Variants in NCKAP5 observed in about 807,000 individuals in gnomAD.
NCKAP5 encodes NCK associated protein 5.
NCKAP5 carries 92 observed loss-of-function variants against 167.0 expected under a neutral mutation model. The observed-to-expected ratio is 0.55, with a 90% confidence interval of 0.47 to 0.66. The LOEUF (loss-of-function observed/expected upper bound fraction) is 0.66, where lower values mean the gene tolerates loss of function less well. Ranked by LOEUF, NCKAP5 falls within the 30% of genes least tolerant of loss-of-function variation. NCKAP5 has a pLI of 0.00. For synonymous variants in NCKAP5, 891 were observed against 877.4 expected (o/e 1.02, Z -0.27); for missense variants, 2,378 against 2,315.0 (o/e 1.03, Z -0.56).
intron 3 of NCKAP5, among the ~76,000 whole-genome samples, chr2:133,329,613 C>T (rs968006016): frequency 6.6e-5 from 10 of 152,128 alleles, no homozygotes; most frequent in Admixed American, 4.6e-4. Flanking sequence ...TATAAGCCCA[C>T]TGGAATTGTC....
At chr2:132,677,672 G>A (rs78180284) in intron 19 of NCKAP5, among the ~76,000 whole-genome samples, 7,533 of 152,038 alleles carry the variant, frequency 0.05, 590 homozygotes, top group African/African-American at 0.17. Context: ...ACCATGAGTT[G>A]CCCAGAGGGT....
intron 7 of NCKAP5, among the ~76,000 whole-genome samples, chr2:132,982,731 T>C (rs553582359): frequency 6.6e-6 from 1 of 152,324 alleles, no homozygotes; most frequent in Admixed American, 6.5e-5. Context: ...TAGCCATTGT[T>C]TAGCTCCTTC....
intron 3 of NCKAP5, among the ~76,000 whole-genome samples, chr2:133,329,384 GT>G (rs1315693809): frequency 6.6e-6 from 1 of 152,174 alleles, no homozygotes; most frequent in Non-Finnish European, 1.5e-5. Flanking sequence ...CAGGTTTCCA[GT>G]TGGCCTAGCA....
At chr2:133,127,059 A>T (rs1185239911) in intron 6 of NCKAP5, among the ~76,000 whole-genome samples, 1 of 152,182 alleles carries the variant, frequency 6.6e-6, no homozygotes, top group East Asian at 1.9e-4. Flanking sequence ...GCCCAAGAGA[A>T]AAAAAGAAAA....
In NCKAP5 at chr2:132,854,295, A is replaced by C. The variant is rs988782857; in HGVS notation, c.807+6197T>G. Reference sequence around the variant, plus strand: ...TCTGGGTCTTGTTCAAAGAAAAAAAACACACCCCTCAATTGCTTTGGGAAT... The same window carrying C: ...TCTGGGTCTTGTTCAAAGAAAAAAACCACACCCCTCAATTGCTTTGGGAAT... On this transcript the variant is annotated intron_variant, in intron 11 of 19. Coordinates refer to ENST00000409261, the MANE Select transcript of NCKAP5 (RefSeq NM_207363.3). Among the ~76,000 whole-genome samples the C allele has an allele frequency of 2.1e-4, 32 of 152,294 alleles. No individual in the cohort carries two copies. The South Asian group carries it at 3.1e-3, about 15-fold the overall frequency.
At chr2:132,753,486 G>C (rs992168407) in intron 16 of NCKAP5, among the ~76,000 whole-genome samples, 6 of 152,150 alleles carry the variant, frequency 3.9e-5, no homozygotes, top group African/African-American at 1.4e-4. Flanking sequence ...GGAGGCTCAG[G>C]GGGTGGAGAG....
At chr2:133,247,510 T>A (rs2088059599) in intron 4 of NCKAP5, among the ~76,000 whole-genome samples, 2 of 152,166 alleles carry the variant, frequency 1.3e-5, no homozygotes, top group Admixed American at 1.3e-4. Context: ...CCCCCACCAC[T>A]TTAAATTAAA....
chr2:133,227,049 A>T (rs2150231386), intron 4 of NCKAP5, among the ~76,000 whole-genome samples: 1 of 152,352 alleles, frequency 6.6e-6, no homozygotes, highest in East Asian at 1.9e-4. Flanking sequence ...CAGGAGAATC[A>T]AGGAAACCTT....
chr2:132,949,768 T>C (rs1470625864), intron 8 of NCKAP5, among the ~76,000 whole-genome samples: 5 of 152,210 alleles, frequency 3.3e-5, no homozygotes, highest in African/African-American at 9.6e-5. Context: ...TTGAAAACTG[T>C]CATTTTGTAA....
At chr2:133,151,849 T>C (rs1362016871) in intron 5 of NCKAP5, among the ~76,000 whole-genome samples, 3 of 152,220 alleles carry the variant, frequency 2.0e-5, no homozygotes, top group Admixed American at 2.0e-4. Context: ...CCCCTGTAAT[T>C]GTAGCTACTC....
At chr2:133,245,925 GGA>G (rs2087964852) in intron 4 of NCKAP5, among the ~76,000 whole-genome samples, 1 of 151,790 alleles carries the variant, frequency 6.6e-6, no homozygotes, top group African/African-American at 2.4e-5. Context: ...ATGGAGGTGG[GGA>G]GAGTCATAGC....
chr2:133,208,184 C>T (rs2086045888), intron 5 of NCKAP5, among the ~76,000 whole-genome samples: 1 of 151,930 alleles, frequency 6.6e-6, no homozygotes, highest in African/African-American at 2.4e-5. Context: ...ACAAAAATAA[C>T]AAAAATTATC....
chr2:132,893,458 A>T lies in NCKAP5; in HGVS notation c.580-14542T>A, dbSNP rs184550826. 7.9e-5 allele frequency among the ~76,000 whole-genome samples: 12 copies of T among 152,308 alleles called. No homozygotes were observed. The East Asian group carries it at 2.3e-3, about 29-fold the overall frequency. Reference sequence around the variant, plus strand: ...TTTATTAATCAATTTATATAATGGGATACTATATAGAAACAAAAGCCAGTG... The same window carrying T: ...TTTATTAATCAATTTATATAATGGGTTACTATATAGAAACAAAAGCCAGTG... On this transcript the variant is annotated intron_variant, in intron 8 of 19. Transcript: ENST00000409261.
intron 15 of NCKAP5, among the ~76,000 whole-genome samples, chr2:132,780,371 C>T (rs1682926774): frequency 6.6e-6 from 1 of 152,068 alleles, no homozygotes; most frequent in East Asian, 1.9e-4. Flanking sequence ...AGGATGGTCT[C>T]GATCTCCTGA....
At chr2:133,376,467 A>T (rs1190674786) in intron 3 of NCKAP5, among the ~76,000 whole-genome samples, 1 of 152,078 alleles carries the variant, frequency 6.6e-6, no homozygotes, top group East Asian at 1.9e-4. Context: ...TACTCTTGAA[A>T]TATTGCCCCT....
intron 6 of NCKAP5, among the ~76,000 whole-genome samples, chr2:133,045,663 G>T (rs2079375012): frequency 6.6e-6 from 1 of 152,044 alleles, no homozygotes; most frequent in Admixed American, 6.6e-5. Context: ...TTATTTTTGT[G>T]ATAAAGTTTA....
intron 2 of NCKAP5, among the ~76,000 whole-genome samples, chr2:133,519,545 C>A (rs1260317020): frequency 6.6e-6 from 1 of 152,144 alleles, no homozygotes; most frequent in African/African-American, 2.4e-5. Context: ...CAGTGATGAA[C>A]CAGCTAGAGA....
chr2:132,887,805 C>T (rs547056188), intron 8 of NCKAP5, among the ~76,000 whole-genome samples: 2 of 152,314 alleles, frequency 1.3e-5, no homozygotes, highest in South Asian at 4.1e-4. Flanking sequence ...TGCCAACATA[C>T]TCCACTAATT....
chr2:133,363,868 T>C (rs569172134), intron 3 of NCKAP5, among the ~76,000 whole-genome samples: 1 of 152,330 alleles, frequency 6.6e-6, no homozygotes, highest in Admixed American at 6.5e-5. Flanking sequence ...ATTACCTTGT[T>C]TAACTGTTGT....
Sources: gnomAD v4.1 joint callset for allele counts (sites outside exome capture counted in the v4.1 genomes callset) on GRCh38, gnomAD v4.1.1 for gene constraint, MANE v1.5 for transcripts, NCBI Gene and HGNC (gene_info 2026-07-23, HGNC 2026-07-21) for gene names.